Variants in TNRC6B observed in about 807,000 individuals in gnomAD.
TNRC6B encodes trinucleotide repeat containing adaptor 6B.
TNRC6B carries 52 observed loss-of-function variants against 203.6 expected under a neutral mutation model. That is an observed-to-expected ratio of 0.26 (90% confidence interval 0.20 to 0.32). TNRC6B has a LOEUF of 0.32. Among genes scored for constraint, TNRC6B ranks in the 10% least tolerant of loss-of-function variants. The pLI is 1.00. For synonymous variants in TNRC6B, 838 were observed against 845.7 expected, an observed-to-expected ratio of 0.99 and a Z score of 0.16; for missense variants, 1,923 against 2,286.2, an observed-to-expected ratio of 0.84 and a Z score of 3.24.
Position 40,300,596 on chromosome 22 carries a change from AG to A in TNRC6B, c.3840+11del. On this transcript the variant is annotated intron_variant, in intron 13 of 22. Transcript: ENST00000454349. The stretch of plus-strand genomic sequence containing the variant: ...TCCCCAGTTTCAGTTGGTAAGTAGA[AG>A]ATTTTCTTCCTGTGGCTAAAAAGGT... 1 of 1,593,940 alleles carries A rather than the reference AG, an allele frequency of 6.3e-7. No individual in the cohort carries two copies.
intron 1 of TNRC6B, among the ~76,000 whole-genome samples, chr22:40,056,210 C>G (rs2067794326): frequency 6.6e-6 from 1 of 152,156 alleles, no homozygotes; most frequent in Non-Finnish European, 1.5e-5. Flanking sequence ...GTTGGCTAAA[C>G]TAATGTTTCT....
intron 4 of TNRC6B, among the ~76,000 whole-genome samples, chr22:40,169,796 C>T (rs1205179328): frequency 6.6e-6 from 1 of 152,024 alleles, no homozygotes; most frequent in South Asian, 2.1e-4. Flanking sequence ...GGCTTCATCC[C>T]GTGTTTATAG....
intron 1 of TNRC6B, among the ~76,000 whole-genome samples, chr22:40,081,084 C>T (rs1040208944): frequency 6.6e-6 from 1 of 152,048 alleles, no homozygotes; most frequent in African/African-American, 2.4e-5. Context: ...TGGTCTTAAA[C>T]TCCTGACCTC....
At chr22:40,277,199 T>G (rs2070656358) in intron 8 of TNRC6B, 48 bp downstream of exon 8, 1 of 1,390,394 alleles carries the variant, frequency 7.2e-7, no homozygotes, top group South Asian at 1.3e-5. Flanking sequence ...ACTTTTAGGT[T>G]TAATATTAAT....
chr22:40,290,711 C>G (rs945217057), intron 12 of TNRC6B, among the ~76,000 whole-genome samples: 1 of 152,120 alleles, frequency 6.6e-6, no homozygotes, highest in African/African-American at 2.4e-5. Flanking sequence ...CCCTCTCTGC[C>G]CCGCGCCTAG....
Position 40,208,126 on chromosome 22 carries a change from A to C in TNRC6B, c.5+29986A>C, listed in dbSNP as rs536689319. The stretch of plus-strand genomic sequence containing the variant: ...GACTCCATCTCAAAAAAAAAAAAAA[A>C]AAAAAACAAAAAAACAAGAAAAAAA... On this transcript the variant is annotated intron_variant, in intron 1 of 22. Coordinates refer to ENST00000454349, the MANE Select transcript of TNRC6B (RefSeq NM_001162501.2). 3.5e-4 allele frequency among the ~76,000 whole-genome samples: 38 copies of C among 109,128 alleles called. No individual in the cohort carries two copies. In the South Asian group the frequency reaches 4.1e-3, roughly 12 times the overall value. 71.6% of individuals were successfully genotyped at this position (109,128 alleles called of 152,430 possible). A position where few individuals can be genotyped will look rare whatever the true frequency, so the allele number is the denominator to read the frequency against.
intron 1 of TNRC6B, among the ~76,000 whole-genome samples, chr22:40,102,945 C>T (rs531338771): frequency 6.6e-6 from 1 of 152,130 alleles, no homozygotes; most frequent in South Asian, 2.1e-4. Context: ...GGCATGGTGG[C>T]ACATGCCTGT....
intron 4 of TNRC6B, among the ~76,000 whole-genome samples, 186 bp downstream of exon 4, chr22:40,262,359 G>T (rs764335065): frequency 6.6e-6 from 1 of 152,184 alleles, no homozygotes; most frequent in African/African-American, 2.4e-5. Flanking sequence ...TTAGTGTTCC[G>T]TAAGTGTGTG....
chr22:40,099,953 A>G (rs909049026), intron 1 of TNRC6B, among the ~76,000 whole-genome samples: 5 of 152,064 alleles, frequency 3.3e-5, no homozygotes, highest in African/African-American at 7.2e-5. Context: ...GGGTTTTACC[A>G]TATTAGCCAG....
At chr22:40,140,140 T>C (rs2068633227) in intron 3 of TNRC6B, among the ~76,000 whole-genome samples, 1 of 152,160 alleles carries the variant, frequency 6.6e-6, no homozygotes, top group Non-Finnish European at 1.5e-5. Flanking sequence ...TCTTATGCTT[T>C]AAGTTCAAAA....
chr22:40,285,526 C>T (rs2070768693), intron 11 of TNRC6B, 119 bp from the exon 12 acceptor site: 1 of 1,235,338 alleles, frequency 8.1e-7, no homozygotes, highest in Non-Finnish European at 1.1e-6. Context: ...TTACAAAATT[C>T]TGTTATTCCA....
At chr22:40,090,006 G>A (rs2068136923) in intron 1 of TNRC6B, among the ~76,000 whole-genome samples, 1 of 152,024 alleles carries the variant, frequency 6.6e-6, no homozygotes, top group African/African-American at 2.4e-5. Flanking sequence ...ATCTTTTCAT[G>A]GCTTGATAGC....
intron 1 of TNRC6B, among the ~76,000 whole-genome samples, chr22:40,228,203 G>A (rs2069818464): frequency 6.6e-6 from 1 of 151,978 alleles, no homozygotes; most frequent in Non-Finnish European, 1.5e-5. Flanking sequence ...CGAGGCAGGC[G>A]GATCGCCTGA....
intron 1 of TNRC6B, among the ~76,000 whole-genome samples, chr22:40,211,865 C>T (rs1459953376): frequency 1.3e-5 from 2 of 152,214 alleles, no homozygotes; most frequent in Non-Finnish European, 2.9e-5. Context: ...GTGGCTAATG[C>T]TGGCAGACTG....
At chr22:40,115,872 T>G (rs2068382640) in intron 1 of TNRC6B, among the ~76,000 whole-genome samples, 1 of 152,162 alleles carries the variant, frequency 6.6e-6, no homozygotes, top group Non-Finnish European at 1.5e-5. Flanking sequence ...TGAATTTAGG[T>G]GGCGAGATAC....
chr22:40,074,773 C>T (rs541646458), intron 1 of TNRC6B, among the ~76,000 whole-genome samples: 28 of 149,042 alleles, frequency 1.9e-4, no homozygotes, highest in African/African-American at 6.8e-4. Context: ...AGCAAGACTC[C>T]GTCTCCAAAA....
chr22:40,097,045 A>G (rs2068191215), intron 1 of TNRC6B, among the ~76,000 whole-genome samples: 2 of 152,176 alleles, frequency 1.3e-5, no homozygotes, highest in Non-Finnish European at 2.9e-5. Flanking sequence ...TACCTGCCCC[A>G]TCAGGGGAGT....
intron 1 of TNRC6B, among the ~76,000 whole-genome samples, chr22:40,205,758 A>G (rs966324317): frequency 2.0e-5 from 3 of 152,230 alleles, no homozygotes; most frequent in African/African-American, 7.2e-5. Context: ...TTTATTATAA[A>G]TTAATCAGAA....
intron 1 of TNRC6B, among the ~76,000 whole-genome samples, chr22:40,221,364 C>T (rs985143533): frequency 6.6e-6 from 1 of 152,178 alleles, no homozygotes; most frequent in Non-Finnish European, 1.5e-5. Context: ...TAGATAAATG[C>T]AGATACGTTT....
Sources: allele counts gnomAD v4.1 joint callset (sites outside exome capture counted in the v4.1 genomes callset), GRCh38; gene constraint gnomAD v4.1.1; transcripts MANE v1.5; gene names NCBI Gene and HGNC (gene_info 2026-07-23, HGNC 2026-07-21).